Variants in CASQ1 observed in about 807,000 individuals in gnomAD.
CASQ1 encodes the protein calsequestrin 1.
CASQ1 carries 40 observed loss-of-function variants against 49.5 expected under a neutral mutation model. The ratio of observed to expected loss-of-function variants is 0.81; its 90% CI spans 0.63 to 1.05. The LOEUF (loss-of-function observed/expected upper bound fraction) is 1.05, where lower values mean the gene tolerates loss of function less well. CASQ1 is among the 50% of genes least tolerant of loss of function. The pLI is 0.00. For synonymous variants in CASQ1, 174 were observed against 187.2 expected, an observed-to-expected ratio of 0.93 and a Z score of 0.58; for missense variants, 469 against 486.9, an observed-to-expected ratio of 0.96 and a Z score of 0.35.
In CASQ1 at chr1:160,201,654, A is replaced by G; in HGVS notation, c.*278A>G. ...ATGTGTCTCTTCCATCACTCTCCAT[A>G]CTCTTTCTTGTGATTCTCCTCTAGC... On this transcript the variant is annotated 3_prime_UTR_variant, in exon 11 of 11. Coordinates refer to ENST00000368078, the MANE Select transcript of CASQ1 (RefSeq NM_001231.5). The G allele has an allele frequency of 2.1e-6, 1 of 475,508 alleles. No homozygotes were observed. Among genetic ancestry groups the G allele is most frequent in the Admixed American group, 3.4e-5 (1 of 29,780 alleles). 29.5% of individuals were successfully genotyped at this position (475,508 alleles called of 1,614,324 possible).
intron 3 of CASQ1, among the ~76,000 whole-genome samples, chr1:160,194,316 A>T (rs1238676038): frequency 6.9e-6 from 1 of 144,420 alleles, no homozygotes; most frequent in East Asian, 2.1e-4. Context: ...CACACACGCC[A>T]CACATGTACA....
At chr1:160,193,625 T>G in intron 2 of CASQ1, 122 bp from the exon 3 acceptor site, 1 of 601,314 alleles carries the variant, frequency 1.7e-6, no homozygotes, top group Non-Finnish European at 3.0e-6. Context: ...GCCCATGAGG[T>G]GGAGCATGTG....
chr1:160,193,319 G>A (rs1399118163), intron 2 of CASQ1, among the ~76,000 whole-genome samples: 1 of 152,054 alleles, frequency 6.6e-6, no homozygotes, highest in Non-Finnish European at 1.5e-5. Flanking sequence ...GGGGAGGGGT[G>A]GTCAGTAATA....
chr1:160,197,748 G>T (rs528857577), intron 7 of CASQ1, 134 bp downstream of exon 7: 8 of 682,528 alleles, frequency 1.2e-5, no homozygotes, highest in Non-Finnish European at 1.9e-5. Flanking sequence ...GCTGGGTGTG[G>T]TGGCTCATGC....
At position 160,195,455 on chromosome 1, in the gene CASQ1, C is replaced by G; in HGVS notation, c.578-6C>G. On this transcript the variant is annotated splice_region_variant and splice_polypyrimidine_tract_variant and intron_variant, in intron 4 of 10. Coordinates refer to ENST00000368078, the MANE Select transcript of CASQ1 (RefSeq NM_001231.5). ...CCAGAGACTGACTCTGCATTCCACCCCCCAGATTACAAAGCCTTCGAGGAT... is the reference window on the plus strand; with the variant it reads ...CCAGAGACTGACTCTGCATTCCACCGCCCAGATTACAAAGCCTTCGAGGAT... 6.2e-7 allele frequency: 1 copy of G among 1,613,796 alleles called. No individual in the cohort carries two copies. The highest frequency in any genetic ancestry group is 1.1e-5 in the South Asian group (1 of 91,082).
At position 160,199,876 on chromosome 1, in the gene CASQ1, T is replaced by C; in HGVS notation, c.1010T>C (p.Phe337Ser). ...PLLVPYWEKT[F>S]DIDLSAPQIG... Reference sequence around the variant, plus strand: ...CTGGTCCCATACTGGGAGAAGACGTTTGACATCGACTTGTCAGCCCCACAA... The same window carrying C: ...CTGGTCCCATACTGGGAGAAGACGTCTGACATCGACTTGTCAGCCCCACAA... The change falls in exon 10 of 11, where the codon TTT (phenylalanine) becomes TCT (serine). Residue 337 changes from phenylalanine to serine, a missense_variant. Physicochemically the swap from Phe to Ser is radical, Grantham distance 155 (BLOSUM62 -2). Coordinates refer to ENST00000368078, the MANE Select transcript of CASQ1 (RefSeq NM_001231.5). 6.2e-7 allele frequency: 1 copy of C among 1,613,408 alleles called. No individual in the cohort carries two copies. Among genetic ancestry groups the C allele is most frequent in the East Asian group, 2.2e-5 (1 of 44,880 alleles).
intron 1 of CASQ1, 62 bp downstream of exon 1, chr1:160,191,092 C>T: frequency 1.9e-6 from 3 of 1,555,498 alleles, no homozygotes; most frequent in Non-Finnish European, 2.6e-6. Flanking sequence ...ATCCCCTATC[C>T]TACACCCATG....
At chr1:160,195,658 C>CCG in intron 5 of CASQ1, 124 bp downstream of exon 5, 3 of 825,838 alleles carry the variant, frequency 3.6e-6, no homozygotes, top group East Asian at 2.6e-5. Context: ...ACCTGCCCCC[C>CCG]CCCCCGGCTC....
chr1:160,192,762 A>T, intron 1 of CASQ1, 40 bp from the exon 2 acceptor site: 1 of 1,582,888 alleles, frequency 6.3e-7, no homozygotes, highest in Non-Finnish European at 8.7e-7. Flanking sequence ...GGATAATAAA[A>T]ATTCCAGGGG....
intron 3 of CASQ1, among the ~76,000 whole-genome samples, 155 bp from the exon 4 acceptor site, chr1:160,194,857 T>TAC (rs1438747452): frequency 1.3e-5 from 2 of 150,556 alleles, no homozygotes; most frequent in African/African-American, 2.4e-5. Context: ...TCACACACTA[T>TAC]ACACACACAC....
intron 2 of CASQ1, 144 bp downstream of exon 2, chr1:160,193,030 A>G: frequency 1.5e-6 from 1 of 670,110 alleles, no homozygotes. Context: ...GGGGGTGAGA[A>G]AATATGAGGT....
chr1:160,193,595 G>C, intron 2 of CASQ1, 152 bp from the exon 3 acceptor site: 2 of 572,240 alleles, frequency 3.5e-6, no homozygotes, highest in East Asian at 3.1e-5. Context: ...CTGGGTCAGA[G>C]GAGGTGGGTG....
chr1:160,192,185 A>G (rs1654090444), intron 1 of CASQ1, among the ~76,000 whole-genome samples: 2 of 150,192 alleles, frequency 1.3e-5, no homozygotes, highest in South Asian at 4.2e-4. Flanking sequence ...TAGAGTGCGA[A>G]AGGGGAAAGT....
chr1:160,194,258 C>A (rs1262491516), intron 3 of CASQ1, among the ~76,000 whole-genome samples: 1 of 150,014 alleles, frequency 6.7e-6, no homozygotes, highest in Non-Finnish European at 1.5e-5. Flanking sequence ...AACAAACACA[C>A]ACCACACATG....
intron 7 of CASQ1, 41 bp downstream of exon 7, chr1:160,197,655 G>T: frequency 7.0e-7 from 1 of 1,423,142 alleles, no homozygotes; most frequent in Non-Finnish European, 9.9e-7. Context: ...AGGGAAGCAT[G>T]GGTGCCAGAA....
chr1:160,201,220 C>T (rs370722372), intron 10 of CASQ1, 25 bp from the exon 11 acceptor site: 163 of 1,607,604 alleles, frequency 1.0e-4, no homozygotes, highest in Admixed American at 5.7e-4. Flanking sequence ...ACTTAGCTTC[C>T]GTCCCTGCCT....
rs1654301126 is a variant in CASQ1 at position 160,198,722 on chromosome 1, G to A, written c.874G>A (p.Ala292Thr). ...CCACATTGTGGCCTTCGCAGAGGAA[G>A]CTGATCCTGGTGAGGGAGGAATACC... ...GIHIVAFAEE[A>T]DPDGFEFLET... Residue 292 changes from alanine (A) to threonine (T), a missense_variant, in exon 8 of 11, where the codon GCT becomes ACT. Transcript: ENST00000368078. The A allele has an allele frequency of 2.5e-6, 4 of 1,613,738 alleles. No homozygotes were observed. In the African/African-American group the frequency reaches 4.0e-5, roughly 16 times the overall value.
chr1:160,194,506 AGATAT>A (rs1362104215), intron 3 of CASQ1, among the ~76,000 whole-genome samples: 1 of 146,162 alleles, frequency 6.8e-6, no homozygotes, highest in Non-Finnish European at 1.5e-5. Flanking sequence ...CACACCCACC[AGATAT>A]ATCACATGCA....
At chr1:160,196,767 C>T (rs751553236) in intron 6 of CASQ1, among the ~76,000 whole-genome samples, 6 of 152,192 alleles carry the variant, frequency 3.9e-5, no homozygotes, top group African/African-American at 7.2e-5. Flanking sequence ...TGAGCCACTG[C>T]GCCTGGCCCC....
Sources: gnomAD v4.1 joint callset for allele counts (sites outside exome capture counted in the v4.1 genomes callset) on GRCh38, gnomAD v4.1.1 for gene constraint, MANE v1.5 for transcripts, NCBI Gene and HGNC (gene_info 2026-07-23, HGNC 2026-07-21) for gene names.